MLLT10: variants seen among roughly 807,000 people sequenced by gnomAD.
MLLT10 encodes protein AF-10.
Under a neutral mutation model 129.1 loss-of-function variants are expected in MLLT10, and 30 were observed. That is an observed-to-expected ratio of 0.23 (90% CI 0.17 to 0.32). The LOEUF is 0.32. Among genes scored for constraint, MLLT10 ranks in the 10% least tolerant of loss-of-function variants. The probability of loss-of-function intolerance (pLI) is 1.00; values close to 1 mark genes in which losing one functional copy is unlikely to be tolerated. For missense variants in MLLT10, 1,119 were observed against 1,268.3 expected (o/e 0.88, Z 1.79); for synonymous variants, 490 against 446.4 (o/e 1.10, Z -1.23).
intron 8 of MLLT10, among the ~76,000 whole-genome samples, chr10:21,635,726 G>T (rs1233231681): frequency 2.0e-5 from 3 of 150,344 alleles, no homozygotes. Context: ...GCTGTTTTTT[G>T]TTGTTGTTTT....
At chr10:21,720,338 C>G (rs531292208) in intron 14 of MLLT10, among the ~76,000 whole-genome samples, 2 of 152,336 alleles carry the variant, frequency 1.3e-5, no homozygotes, top group African/African-American at 4.8e-5. Context: ...GAAAGTTGTT[C>G]ACACTTGGTT....
intron 13 of MLLT10, among the ~76,000 whole-genome samples, chr10:21,711,839 T>G (rs1378156487): frequency 6.6e-6 from 1 of 152,210 alleles, no homozygotes; most frequent in Non-Finnish European, 1.5e-5. Context: ...TCACTCCAGG[T>G]CTGAATTAGA....
At chr10:21,668,380 C>T (rs72794875) in intron 9 of MLLT10, among the ~76,000 whole-genome samples, 1 of 151,972 alleles carries the variant, frequency 6.6e-6, no homozygotes, top group South Asian at 2.1e-4. Context: ...CCATATTGTC[C>T]CAACAGCACA....
intron 4 of MLLT10, 37 bp from the exon 5 acceptor site, chr10:21,595,294 A>G: frequency 6.5e-7 from 1 of 1,548,762 alleles, no homozygotes; most frequent in Non-Finnish European, 8.9e-7. Flanking sequence ...TGCTTTCGAT[A>G]AAACTGAAAA....
chr10:21,549,659 C>CTT lies in MLLT10; in HGVS notation c.240+10766_240+10767dup, dbSNP rs11374255. Among the ~76,000 whole-genome samples the CTT allele has an allele frequency of 9.0e-3, 1,102 of 121,924 alleles. 15 individuals carry two copies. Among genetic ancestry groups the CTT allele is most frequent in the African/African-American group, 0.028 (913 of 32,224 alleles). The allele number at this position is 121,924 out of a possible 152,430, so 80.0% of individuals were successfully genotyped here. A position where few individuals can be genotyped will look rare whatever the true frequency, so the allele number is the denominator to read the frequency against. ...TGTGGTCCTCTAACTGAGTTGTACT[C>CTT]TTTTTTTTTTTTTTTTTTTTGAGAG... is the stretch of plus-strand genomic sequence containing the variant. On this transcript the variant is annotated intron_variant, in intron 3 of 22. Coordinates refer to ENST00000307729, the MANE Select transcript of MLLT10 (RefSeq NM_001195626.3).
chr10:21,586,603 T>G (rs1483131918), intron 4 of MLLT10, among the ~76,000 whole-genome samples: 1 of 152,138 alleles, frequency 6.6e-6, no homozygotes, highest in Non-Finnish European at 1.5e-5. Context: ...TTCTTATGTT[T>G]TTGGCTGGGC....
At chr10:21,633,476 G>A (rs911043985) in intron 8 of MLLT10, among the ~76,000 whole-genome samples, 5 of 152,146 alleles carry the variant, frequency 3.3e-5, no homozygotes, top group Admixed American at 2.0e-4. Flanking sequence ...AGGCCAAGGC[G>A]GGTCTAAGAG....
chr10:21,653,753 C>T (rs2049283038), intron 9 of MLLT10, among the ~76,000 whole-genome samples: 1 of 152,206 alleles, frequency 6.6e-6, no homozygotes, highest in Non-Finnish European at 1.5e-5. Flanking sequence ...TAATATTAGA[C>T]ATCTGAGTAG....
chr10:21,590,818 T>C (rs9971342), intron 4 of MLLT10, among the ~76,000 whole-genome samples: 88,016 of 151,904 alleles, frequency 0.58, 26,459 homozygotes, highest in African/African-American at 0.74. Flanking sequence ...AAGTTTTGGG[T>C]TTTGTTAATT....
intron 3 of MLLT10, among the ~76,000 whole-genome samples, chr10:21,543,028 G>A (rs1451549016): frequency 2.0e-5 from 3 of 151,576 alleles, no homozygotes; most frequent in Non-Finnish European, 4.4e-5. Context: ...GCGCGATCTC[G>A]GCTCACTGCA....
intron 5 of MLLT10, among the ~76,000 whole-genome samples, chr10:21,608,326 C>G (rs181437374): frequency 1.3e-5 from 2 of 151,648 alleles, no homozygotes; most frequent in Non-Finnish European, 2.9e-5. Flanking sequence ...TGCACCATCA[C>G]GCCTGGATAA....
At position 21,609,046 on chromosome 10, in the gene MLLT10, A is replaced by T. The variant is rs1310701761; in HGVS notation, c.406-3302A>T. Among the ~76,000 whole-genome samples, 6 of 152,166 alleles carry T rather than the reference A, an allele frequency of 3.9e-5. No individual in the cohort carries two copies. In the East Asian group the frequency reaches 7.7e-4, roughly 20 times the overall value. On this transcript the variant is annotated intron_variant, in intron 5 of 22. Transcript: ENST00000307729. ...TTTATTTGTTTAATCACTTTGCCAG[A>T]CTGATTTTCTGAAGTCTATTTTTCC...
At chr10:21,616,686 A>G (rs1393942918) in intron 7 of MLLT10, among the ~76,000 whole-genome samples, 1 of 152,074 alleles carries the variant, frequency 6.6e-6, no homozygotes, top group Non-Finnish European at 1.5e-5. Flanking sequence ...CTTAATACTG[A>G]TGGTATAAGA....
chr10:21,676,417 C>CAAAAAAAAAAAA (rs113829023), intron 11 of MLLT10, among the ~76,000 whole-genome samples: 1 of 129,564 alleles, frequency 7.7e-6, no homozygotes, highest in Non-Finnish European at 1.6e-5. Context: ...GACTCCGTCT[C>CAAAAAAAAAAAA]AAAAAAAAAA....
At chr10:21,667,842 T>C (rs1485584780) in intron 9 of MLLT10, among the ~76,000 whole-genome samples, 1 of 152,170 alleles carries the variant, frequency 6.6e-6, no homozygotes, top group Non-Finnish European at 1.5e-5. Flanking sequence ...AATTTTTGTT[T>C]GAAGTAAATA....
intron 3 of MLLT10, among the ~76,000 whole-genome samples, chr10:21,580,614 T>C (rs899312614): frequency 6.6e-6 from 1 of 152,052 alleles, no homozygotes; most frequent in Non-Finnish European, 1.5e-5. Flanking sequence ...ATGGTCTCGA[T>C]CTCCTGACCT....
At chr10:21,697,322 C>T (rs1273645102) in intron 13 of MLLT10, among the ~76,000 whole-genome samples, 1 of 151,902 alleles carries the variant, frequency 6.6e-6, no homozygotes, top group African/African-American at 2.4e-5. Flanking sequence ...AAAAATTAGC[C>T]AGGCATGGTG....
At chr10:21,606,958 T>C (rs1411049186) in intron 5 of MLLT10, among the ~76,000 whole-genome samples, 5 of 152,210 alleles carry the variant, frequency 3.3e-5, no homozygotes, top group African/African-American at 4.8e-5. Flanking sequence ...TCAATTGATA[T>C]AGCCAACTTT....
intron 5 of MLLT10, among the ~76,000 whole-genome samples, chr10:21,606,532 TA>T (rs2044089091): frequency 6.6e-6 from 1 of 152,170 alleles, no homozygotes; most frequent in Non-Finnish European, 1.5e-5. Flanking sequence ...GAGGTCAAAA[TA>T]TCAACATGAA....
Sources: allele counts gnomAD v4.1 joint callset (sites outside exome capture counted in the v4.1 genomes callset), GRCh38; gene constraint gnomAD v4.1.1; transcripts MANE v1.5; gene names NCBI Gene and HGNC (gene_info 2026-07-23, HGNC 2026-07-21).